The following NR5A2 variants were observed in gnomAD, a reference collection of about 807,000 sequenced individuals.
NR5A2 encodes CYP7A promoter-binding factor.
Under a neutral mutation model 62.7 loss-of-function variants are expected in NR5A2, and 26 were observed. The ratio of observed to expected loss-of-function variants is 0.41; its 90% CI spans 0.30 to 0.58. NR5A2 has a LOEUF of 0.58. Ranked by LOEUF, NR5A2 falls within the 20% of genes least tolerant of loss-of-function variation. The probability of loss-of-function intolerance (pLI) is 0.22; values close to 1 mark genes in which losing one functional copy is unlikely to be tolerated. For missense variants in NR5A2, 541 were observed against 669.1 expected, an observed-to-expected ratio of 0.81 and a Z score of 2.11; for synonymous variants, 246 against 241.7, an observed-to-expected ratio of 1.02 and a Z score of -0.16.
chr1:200,138,359 T>C (rs1297328296), intron 7 of NR5A2, among the ~76,000 whole-genome samples: 1 of 152,206 alleles, frequency 6.6e-6, no homozygotes, highest in Admixed American at 6.5e-5. Context: ...GATGCTGTCA[T>C]TATTCTGTTT....
In NR5A2 at chr1:200,067,852, G is replaced by T. The variant is rs547907127; in HGVS notation, c.1110+19034G>T. On this transcript the variant is annotated intron_variant, in intron 5 of 7. Coordinates refer to ENST00000367362, the MANE Select transcript of NR5A2 (RefSeq NM_205860.3). ...TGTGCAAATTCAGTTGGCTACGTATGCAGAGAAATAATGGCTGAGAACATT... is the reference window on the plus strand; with the variant it reads ...TGTGCAAATTCAGTTGGCTACGTATTCAGAGAAATAATGGCTGAGAACATT... Among the ~76,000 whole-genome samples the T allele has an allele frequency of 2.6e-5, 4 of 152,362 alleles. No individual in the cohort carries two copies. In the South Asian group the frequency reaches 8.3e-4, roughly 32 times the overall value.
chr1:200,064,200 C>G (rs1167738316), intron 5 of NR5A2, among the ~76,000 whole-genome samples: 1 of 151,600 alleles, frequency 6.6e-6, no homozygotes, highest in African/African-American at 2.4e-5. Flanking sequence ...GTTAAGTCTT[C>G]ATGGCAGTTT....
intron 5 of NR5A2, among the ~76,000 whole-genome samples, chr1:200,055,601 T>A (rs960095809): frequency 3.3e-5 from 5 of 152,158 alleles, no homozygotes; most frequent in Admixed American, 3.3e-4. Flanking sequence ...AGAGTTGGGG[T>A]CAGGAATCAT....
chr1:200,047,267 A>G (rs577338376), intron 4 of NR5A2, among the ~76,000 whole-genome samples: 1 of 152,306 alleles, frequency 6.6e-6, no homozygotes, highest in South Asian at 2.1e-4. Flanking sequence ...ATTATGTCCA[A>G]TTCTACTTAA....
At chr1:200,053,094 A>G (rs1431944098) in intron 5 of NR5A2, among the ~76,000 whole-genome samples, 1 of 152,138 alleles carries the variant, frequency 6.6e-6, no homozygotes, top group African/African-American at 2.4e-5. Flanking sequence ...AAAAAAAGGT[A>G]TTCTGGTTTT....
chr1:200,121,110 A>G (rs1445478482), intron 7 of NR5A2, among the ~76,000 whole-genome samples, 155 bp downstream of exon 7: 1 of 152,208 alleles, frequency 6.6e-6, no homozygotes, highest in Admixed American at 6.5e-5. Flanking sequence ...ATTTTCATAT[A>G]TATTTCTGCA....
intron 7 of NR5A2, among the ~76,000 whole-genome samples, chr1:200,162,953 G>A (rs745377635): frequency 1.3e-5 from 2 of 152,190 alleles, no homozygotes; most frequent in Non-Finnish European, 2.9e-5. Context: ...ACAGTCATAT[G>A]TACAGAACCA....
In NR5A2 at chr1:200,039,179, A is replaced by AG. The variant is rs559777919; in HGVS notation, c.65-475dup. 4.0e-3 allele frequency among the ~76,000 whole-genome samples: 607 copies of AG among 152,048 alleles called. 6 individuals are homozygous for AG. Among genetic ancestry groups the AG allele is most frequent in the African/African-American group, 0.014 (576 of 41,456 alleles). On this transcript the variant is annotated intron_variant, in intron 1 of 7. Transcript: ENST00000367362. This position sits in a 1 kb window ranked among gnomAD's most constrained non-coding sequence, Gnocchi z 5.1. Reference sequence around the variant, plus strand: ...GAGATAGGGGGAAGGGGCGGAGAGGAGGGGAGAGAGAAGGGAGGCGAGAGA... The same window carrying AG: ...GAGATAGGGGGAAGGGGCGGAGAGGAGGGGGAGAGAGAAGGGAGGCGAGAGA...
chr1:200,146,061 G>GTAAAT lies in NR5A2; in HGVS notation c.1378+25107_1378+25111dup, dbSNP rs746527713. On this transcript the variant is annotated intron_variant, in intron 7 of 7. Transcript: ENST00000367362. ...TCTTCCCTTTAATAAAAATTAAAATGTAAATGAAATAAAATTATAGGATTC... is the reference window on the plus strand; with the variant it reads ...TCTTCCCTTTAATAAAAATTAAAATGTAAATTAAATGAAATAAAATTATAGGATTC... 9.2e-5 allele frequency among the ~76,000 whole-genome samples: 14 copies of GTAAAT among 152,228 alleles called. No homozygotes were observed. In the Middle Eastern group the frequency reaches 0.01, roughly 111 times the overall value.
intron 5 of NR5A2, among the ~76,000 whole-genome samples, chr1:200,084,798 G>A (rs1279529375): frequency 6.6e-6 from 1 of 152,112 alleles, no homozygotes; most frequent in Non-Finnish European, 1.5e-5. Flanking sequence ...CAAAAATGTG[G>A]TATCAAAGCA....
intron 5 of NR5A2, among the ~76,000 whole-genome samples, chr1:200,094,573 C>T (rs919892131): frequency 8.0e-6 from 1 of 125,350 alleles, no homozygotes; most frequent in Non-Finnish European, 1.6e-5. Context: ...CGCTCTGTCG[C>T]CCAGGCTGGA....
intron 1 of NR5A2, among the ~76,000 whole-genome samples, chr1:200,036,405 C>T (rs947280420): frequency 1.3e-5 from 2 of 152,162 alleles, no homozygotes; most frequent in African/African-American, 4.8e-5. Context: ...ATTGAAGGGT[C>T]AAAGGACCAG....
At chr1:200,112,059 C>T (rs1665978040) in intron 6 of NR5A2, among the ~76,000 whole-genome samples, 1 of 146,154 alleles carries the variant, frequency 6.8e-6, no homozygotes, top group Admixed American at 6.9e-5. Flanking sequence ...TGTTAAAGGT[C>T]AAAGTGCTAC....
Position 200,147,355 on chromosome 1 carries a change from T to C in NR5A2, c.1378+26400T>C, listed in dbSNP as rs1667753236. Among the ~76,000 whole-genome samples the C allele has an allele frequency of 6.6e-6, 1 of 152,156 alleles. No homozygotes were observed. Among genetic ancestry groups the C allele is most frequent in the Non-Finnish European group, 1.5e-5 (1 of 68,014 alleles). On this transcript the variant is annotated intron_variant, in intron 7 of 7. Transcript: ENST00000367362. This position sits in a 1 kb window ranked among gnomAD's most constrained non-coding sequence, Gnocchi z 4.9. ...AGCAAAGCTCGGCCTACATGGAGGTTTGCTGACTCCCCCAGGCCACCTTAG... is the reference window on the plus strand; with the variant it reads ...AGCAAAGCTCGGCCTACATGGAGGTCTGCTGACTCCCCCAGGCCACCTTAG...
At chr1:200,093,628 C>T (rs533140221) in intron 5 of NR5A2, among the ~76,000 whole-genome samples, 5 of 152,218 alleles carry the variant, frequency 3.3e-5, no homozygotes, top group African/African-American at 1.2e-4. Flanking sequence ...GTTACAAGCT[C>T]GTTGAAAAGT....
chr1:200,094,657 C>T (rs1351349924), intron 5 of NR5A2, among the ~76,000 whole-genome samples: 2 of 150,482 alleles, frequency 1.3e-5, no homozygotes, highest in East Asian at 2.0e-4. Flanking sequence ...CTCAGCCTCC[C>T]GAGTAGCTGG....
At position 200,111,189 on chromosome 1, in the gene NR5A2, A is replaced by G. The variant is rs755882576; in HGVS notation, c.1111-13A>G. The G allele has an allele frequency of 3.2e-5, 52 of 1,601,188 alleles. No homozygotes were observed. The highest frequency in any genetic ancestry group is 2.2e-5 in the East Asian group (1 of 44,820). On this transcript the variant is annotated splice_polypyrimidine_tract_variant and intron_variant, in intron 5 of 7. Coordinates refer to ENST00000367362, the MANE Select transcript of NR5A2 (RefSeq NM_205860.3). Reference sequence around the variant, plus strand: ...TTGTTTTTTTTGTTTGTTTGTTTCTATTTCTTTTGCAGGTTGATGACCAAA... The same window carrying G: ...TTGTTTTTTTTGTTTGTTTGTTTCTGTTTCTTTTGCAGGTTGATGACCAAA...
chr1:200,072,153 T>C (rs539648798), intron 5 of NR5A2, among the ~76,000 whole-genome samples: 2 of 152,274 alleles, frequency 1.3e-5, no homozygotes, highest in Non-Finnish European at 2.9e-5. Context: ...AAATTAATTT[T>C]TCTGTTTTTA....
chr1:200,129,753 C>G (rs1417179137), intron 7 of NR5A2, among the ~76,000 whole-genome samples: 1 of 152,234 alleles, frequency 6.6e-6, no homozygotes, highest in Non-Finnish European at 1.5e-5. Flanking sequence ...TTTTCTGCCA[C>G]TTCCTGTGGA....
Sources: gnomAD v4.1 joint callset for allele counts (sites outside exome capture counted in the v4.1 genomes callset) on GRCh38, gnomAD v4.1.1 for gene constraint, Gnocchi (gnomAD v3.1) non-coding constraint, MANE v1.5 for transcripts, NCBI Gene and HGNC (gene_info 2026-07-23, HGNC 2026-07-21) for gene names.